The following MYO1H variants were observed in gnomAD, a reference collection of about 807,000 sequenced individuals.
MYO1H encodes myosin IH, also known as unconventional myosin-Ih.
In MYO1H, 118 loss-of-function variants were observed where a neutral mutation model predicts 149.3. The observed-to-expected ratio is 0.79, with a 90% CI of 0.68 to 0.92. MYO1H has a LOEUF of 0.92. Among genes scored for constraint, MYO1H ranks in the 40% least tolerant of loss-of-function variants. MYO1H has a pLI of 0.00. For missense variants in MYO1H, 1,212 were observed against 1,280.7 expected (o/e 0.95, Z 0.82); for synonymous variants, 447 against 465.2 (o/e 0.96, Z 0.50).
chr12:109,404,930 G>A (rs1054405533), intron 7 of MYO1H, among the ~76,000 whole-genome samples: 3 of 150,728 alleles, frequency 2.0e-5, no homozygotes, highest in Non-Finnish European at 4.4e-5. Context: ...TGTATTTGAA[G>A]CCAGGTGCAG....
intron 1 of MYO1H, among the ~76,000 whole-genome samples, chr12:109,365,802 T>A (rs1384792921): frequency 6.6e-6 from 1 of 152,052 alleles, no homozygotes; most frequent in Non-Finnish European, 1.5e-5. Flanking sequence ...CTCCTACCAT[T>A]TAGACCAGGG....
At chr12:109,368,650 A>T (rs1868918563) in intron 1 of MYO1H, among the ~76,000 whole-genome samples, 1 of 151,904 alleles carries the variant, frequency 6.6e-6, no homozygotes, top group South Asian at 2.1e-4. Flanking sequence ...TAAAAAAAAA[A>T]AAAAAAAAAA....
intron 15 of MYO1H, among the ~76,000 whole-genome samples, chr12:109,420,548 C>T (rs1378882219): frequency 6.6e-6 from 1 of 152,116 alleles, no homozygotes; most frequent in Non-Finnish European, 1.5e-5. Flanking sequence ...GTGCTACAAA[C>T]TTTTAAACAA....
At chr12:109,339,289 C>T in the MYO1H span, among the ~76,000 whole-genome samples, 151 of 152,132 alleles carry the variant, frequency 9.9e-4, no homozygotes, top group Admixed American at 1.6e-3. Context: ...TGCTTGAATG[C>T]GGAAGGTGGA....
intron 5 of MYO1H, among the ~76,000 whole-genome samples, chr12:109,400,351 C>T (rs1312712447): frequency 1.3e-5 from 2 of 152,140 alleles, no homozygotes; most frequent in Admixed American, 1.3e-4. Flanking sequence ...CATACCCTTG[C>T]CAACATTTAT....
intron 1 of MYO1H, among the ~76,000 whole-genome samples, chr12:109,364,586 C>T (rs1308469342): frequency 2.6e-5 from 4 of 152,072 alleles, no homozygotes; most frequent in East Asian, 1.9e-4. Flanking sequence ...CGGCTTCCCA[C>T]GTTCTTTTTT....
In MYO1H at chr12:109,441,171, A is replaced by G. The variant is rs1375367918; in HGVS notation, c.2538+344A>G. On this transcript the variant is annotated intron_variant, in intron 25 of 31. Transcript: ENST00000310903. ...TGTGTAAAGGGCTAGAAGAGTAACTATTTCAGGGTTTGTGGCCTTTCTCTG... is the reference window on the plus strand; with the variant it reads ...TGTGTAAAGGGCTAGAAGAGTAACTGTTTCAGGGTTTGTGGCCTTTCTCTG... Among the ~76,000 whole-genome samples the G allele has an allele frequency of 2.6e-5, 4 of 152,284 alleles. No individual in the cohort carries two copies. The South Asian group carries it at 8.3e-4, about 32-fold the overall frequency.
intron 19 of MYO1H, among the ~76,000 whole-genome samples, chr12:109,432,414 T>C (rs1385956648): frequency 6.6e-6 from 1 of 152,182 alleles, no homozygotes; most frequent in East Asian, 1.9e-4. Context: ...TGAGGCACCA[T>C]ACCCGGTCTC....
intron 5 of MYO1H, 122 bp downstream of exon 5, chr12:109,397,934 C>T: frequency 3.2e-6 from 2 of 616,574 alleles, no homozygotes; most frequent in Non-Finnish European, 5.4e-6. Context: ...AAAAAAATAT[C>T]CAGGGTTAGT....
At chr12:109,372,443 T>C (rs1869002781) in intron 1 of MYO1H, among the ~76,000 whole-genome samples, 1 of 152,102 alleles carries the variant, frequency 6.6e-6, no homozygotes, top group South Asian at 2.1e-4. Context: ...CTCTGAGTTT[T>C]TACAATTGCA....
chr12:109,314,507 G>C, the MYO1H span, among the ~76,000 whole-genome samples: 5 of 152,166 alleles, frequency 3.3e-5, no homozygotes, highest in African/African-American at 9.7e-5. Context: ...TCTTTCAATA[G>C]GGTGACAGCC....
rs1163414367 is a variant in MYO1H at position 109,445,356 on chromosome 12, A to G, written c.2994-157A>G. The stretch of plus-strand genomic sequence containing the variant: ...TAAGTTGCCCAGCTGTGGCAACAGC[A>G]TTCTTCCTTTCCTCAAATATGCAAT... On this transcript the variant is annotated intron_variant, in intron 30 of 31. Coordinates refer to ENST00000310903, the Ensembl canonical transcript of MYO1H. 5 of 608,392 alleles carry G rather than the reference A, an allele frequency of 8.2e-6. No individual in the cohort carries two copies. In the Admixed American group the frequency reaches 1.3e-4, roughly 16 times the overall value. 37.7% of individuals were successfully genotyped at this position (608,392 alleles called of 1,614,324 possible).
chr12:109,318,049 C>A, the MYO1H span, among the ~76,000 whole-genome samples: 1 of 152,120 alleles, frequency 6.6e-6, no homozygotes, highest in Non-Finnish European at 1.5e-5. Context: ...AGGTTTAAAA[C>A]GTACATTAAA....
intron 5 of MYO1H, among the ~76,000 whole-genome samples, chr12:109,398,329 G>T (rs1870007243): frequency 6.6e-6 from 1 of 152,220 alleles, no homozygotes; most frequent in African/African-American, 2.4e-5. Flanking sequence ...ACACTGTGGT[G>T]TGTTCACACC....
intron 18 of MYO1H, among the ~76,000 whole-genome samples, chr12:109,427,058 G>A (rs1270335512): frequency 1.3e-5 from 2 of 152,272 alleles, no homozygotes; most frequent in Admixed American, 1.3e-4. Context: ...GCTCATGCCT[G>A]TAATCCCAGC....
At chr12:109,318,982 T>TTTTTTTTTTTTTTTTG in the MYO1H span, among the ~76,000 whole-genome samples, 2 of 144,912 alleles carry the variant, frequency 1.4e-5, no homozygotes, top group African/African-American at 5.2e-5. Flanking sequence ...GTTTTTTTTT[T>TTTTTTTTTTTTTTTTG]TTTTTTTTTT....
chr12:109,362,875 CCAT>C (rs1490020830), intron 1 of MYO1H, among the ~76,000 whole-genome samples: 6 of 152,196 alleles, frequency 3.9e-5, no homozygotes, highest in Non-Finnish European at 7.3e-5. Flanking sequence ...ATCTTGCAGT[CCAT>C]CAGTTTCATT....
At chr12:109,337,016 T>C in the MYO1H span, among the ~76,000 whole-genome samples, 1 of 152,114 alleles carries the variant, frequency 6.6e-6, no homozygotes, top group Non-Finnish European at 1.5e-5. Flanking sequence ...AGGAACCCAC[T>C]ACCCCATCCC....
At chr12:109,427,805 G>A (rs1871414545) in intron 19 of MYO1H, among the ~76,000 whole-genome samples, 1 of 140,890 alleles carries the variant, frequency 7.1e-6, no homozygotes, top group Non-Finnish European at 1.5e-5. Flanking sequence ...AGCATTTTGG[G>A]AGGCCGAGGT....
Sources: gnomAD v4.1 joint callset for allele counts (sites outside exome capture counted in the v4.1 genomes callset) on GRCh38, gnomAD v4.1.1 for gene constraint, MANE v1.5 for transcripts, NCBI Gene and HGNC (gene_info 2026-07-23, HGNC 2026-07-21) for gene names.